CMIP: variants seen among roughly 807,000 people sequenced by gnomAD.
The protein encoded by CMIP is C-Maf-inducing protein.
CMIP carries 13 observed loss-of-function variants against 97.3 expected under a neutral mutation model. The ratio of observed to expected loss-of-function variants is 0.13; its 90% confidence interval spans 0.09 to 0.21. The LOEUF (loss-of-function observed/expected upper bound fraction) is 0.21. Ranked by LOEUF, CMIP falls within the 10% of genes least tolerant of loss-of-function variation. The pLI, the probability that CMIP is intolerant of heterozygous loss-of-function variation, is 1.00. For synonymous variants in CMIP, 538 were observed against 436.3 expected (o/e 1.23, Z -2.91); for missense variants, 847 against 1,024.9 (o/e 0.83, Z 2.37).
chr16:81,506,837 G>A (rs547561454), intron 1 of CMIP, among the ~76,000 whole-genome samples: 7 of 151,884 alleles, frequency 4.6e-5, no homozygotes, highest in South Asian at 4.2e-4. Context: ...CCCAGGAGGC[G>A]GAGGTGGCAG....
At chr16:81,540,462 C>T (rs1286297305) in intron 1 of CMIP, among the ~76,000 whole-genome samples, 1 of 151,814 alleles carries the variant, frequency 6.6e-6, no homozygotes, top group African/African-American at 2.4e-5. Flanking sequence ...ACCACCTCGC[C>T]CAGCTAATTT....
intron 1 of CMIP, among the ~76,000 whole-genome samples, chr16:81,536,046 G>A (rs1435971441): frequency 6.6e-6 from 1 of 152,182 alleles, no homozygotes; most frequent in Non-Finnish European, 1.5e-5. Context: ...ATCCCTGTTT[G>A]CAGTGTAAAC....
chr16:81,533,290 G>T (rs2090276449), intron 1 of CMIP, among the ~76,000 whole-genome samples: 1 of 152,152 alleles, frequency 6.6e-6, no homozygotes, highest in Non-Finnish European at 1.5e-5. Flanking sequence ...CCTGCTAGAT[G>T]CTCAGTACAT....
chr16:81,660,660 C>T (rs751149498), intron 5 of CMIP, among the ~76,000 whole-genome samples: 1 of 152,146 alleles, frequency 6.6e-6, no homozygotes, highest in African/African-American at 2.4e-5. Flanking sequence ...TTTAGAAACA[C>T]CTTGTTTTCA....
In CMIP at chr16:81,701,755, C is replaced by G; in HGVS notation, c.1851C>G (p.Arg617=). 6.2e-7 allele frequency: 1 copy of G among 1,613,830 alleles called. No homozygotes were observed. The highest frequency in any genetic ancestry group is 8.5e-7 in the Non-Finnish European group (1 of 1,179,888). ...TGGAGAGCACAGACGTGGGGAAGCG[C>G]ATGTACGAGCAGCTGTGTGACCGGC... ...STLESTDVGK[R]MYEQLCDRQR... Residue 617 remains arginine (R), a synonymous_variant, in exon 16 of 21, where the codon CGC becomes CGG. Coordinates refer to ENST00000537098, the MANE Select transcript of CMIP (RefSeq NM_198390.3).
At chr16:81,696,946 T>G (rs1597264351) in intron 14 of CMIP, 2 of 503,374 alleles carry the variant, frequency 4.0e-6, no homozygotes, top group East Asian at 3.5e-5. Flanking sequence ...TTGCCCCATT[T>G]TATACCCAAG....
chr16:81,707,979 G>T (rs1049490822), intron 20 of CMIP, among the ~76,000 whole-genome samples: 3 of 152,260 alleles, frequency 2.0e-5, no homozygotes, highest in Non-Finnish European at 2.9e-5. Context: ...GCCTCCTGCC[G>T]CCAGGGCGTG....
chr16:81,473,265 T>TG (rs987266769), intron 1 of CMIP, among the ~76,000 whole-genome samples: 10 of 151,998 alleles, frequency 6.6e-5, no homozygotes, highest in African/African-American at 2.4e-4. Context: ...GTGTTTGCCG[T>TG]GGGGGGCATA....
intron 3 of CMIP, among the ~76,000 whole-genome samples, chr16:81,623,927 A>G (rs118000440): frequency 0.029 from 4,340 of 152,188 alleles, 71 homozygotes; most frequent in Non-Finnish European, 0.044. Flanking sequence ...TTCAATCCAG[A>G]TCTGTGGGGC....
At chr16:81,687,979 G>C (rs1905603143) in intron 10 of CMIP, among the ~76,000 whole-genome samples, 1 of 152,340 alleles carries the variant, frequency 6.6e-6, no homozygotes, top group East Asian at 1.9e-4. Context: ...TAGATCCCAT[G>C]AGCGAACACA....
At chr16:81,650,533 C>T (rs1277860343) in intron 3 of CMIP, among the ~76,000 whole-genome samples, 2 of 151,984 alleles carry the variant, frequency 1.3e-5, no homozygotes, top group Non-Finnish European at 2.9e-5. Flanking sequence ...GGGGGCGACA[C>T]CAGTGGCAAT....
intron 3 of CMIP, among the ~76,000 whole-genome samples, chr16:81,625,409 A>T (rs1328413126): frequency 6.6e-6 from 1 of 152,256 alleles, no homozygotes; most frequent in Non-Finnish European, 1.5e-5. Context: ...TTTCTGACTC[A>T]GATGTACCTC....
intron 1 of CMIP, among the ~76,000 whole-genome samples, chr16:81,520,949 G>A (rs536099562): frequency 4.1e-4 from 63 of 152,264 alleles, no homozygotes; most frequent in African/African-American, 1.4e-3. Flanking sequence ...GAGCTCCCTG[G>A]GTTTCGCATC....
chr16:81,552,708 C>T (rs1452199563), intron 1 of CMIP, among the ~76,000 whole-genome samples: 1 of 152,226 alleles, frequency 6.6e-6, no homozygotes, highest in African/African-American at 2.4e-5. Flanking sequence ...ATGGCACATT[C>T]CCAGGTTCTG....
chr16:81,672,634 G>A (rs888807423), intron 9 of CMIP, among the ~76,000 whole-genome samples: 1 of 152,092 alleles, frequency 6.6e-6, no homozygotes, highest in Non-Finnish European at 1.5e-5. Flanking sequence ...GCAATACAGT[G>A]GTGCAGTCAT....
At chr16:81,665,447 A>C (rs369762949) in intron 7 of CMIP, 1 of 152,162 alleles carries the variant, frequency 6.6e-6, no homozygotes, top group African/African-American at 2.4e-5. Context: ...TTCCCATGAC[A>C]CCTGTGCATA....
At chr16:81,564,192 TC>T (rs1344614747) in intron 1 of CMIP, among the ~76,000 whole-genome samples, 3 of 152,166 alleles carry the variant, frequency 2.0e-5, no homozygotes. Context: ...AATGCCGCCC[TC>T]ACACAGGCAA....
At chr16:81,640,017 C>G (rs960794030) in intron 3 of CMIP, among the ~76,000 whole-genome samples, 2 of 152,140 alleles carry the variant, frequency 1.3e-5, no homozygotes, top group African/African-American at 4.8e-5. Context: ...GGCCGGAATC[C>G]TCCCCCATGG....
At chr16:81,593,731 G>T (rs1235897016) in intron 1 of CMIP, among the ~76,000 whole-genome samples, 1 of 152,148 alleles carries the variant, frequency 6.6e-6, no homozygotes, top group Non-Finnish European at 1.5e-5. Flanking sequence ...CCCGGTGCCT[G>T]CCTGTAGCCT....
Sources: gnomAD v4.1 joint callset for allele counts (sites outside exome capture counted in the v4.1 genomes callset) on GRCh38, gnomAD v4.1.1 for gene constraint, MANE v1.5 for transcripts, NCBI Gene and HGNC (gene_info 2026-07-23, HGNC 2026-07-21) for gene names.